Variants in DNAH5 observed in about 807,000 individuals in gnomAD.
The protein encoded by DNAH5 is axonemal beta dynein heavy chain 5.
A neutral mutation model predicts 518.2 loss-of-function variants in DNAH5; 372 were observed. The observed-to-expected ratio is 0.72, with a 90% CI of 0.66 to 0.78. DNAH5 has a LOEUF of 0.78. Among genes scored for constraint, DNAH5 ranks in the 30% least tolerant of loss-of-function variants. DNAH5 has a pLI of 0.00. For missense variants in DNAH5, 5,523 were observed against 5,687.0 expected, an observed-to-expected ratio of 0.97 and a Z score of 0.93; for synonymous variants, 2,039 against 2,025.9, an observed-to-expected ratio of 1.01 and a Z score of -0.17.
rs1416805485 is a variant in DNAH5 at position 13,714,522 on chromosome 5, G to A, written c.13008C>T (p.Ile4336=). 1 of 1,614,040 alleles carries A rather than the reference G, an allele frequency of 6.2e-7. No homozygotes were observed. The highest frequency in any genetic ancestry group is 8.5e-7 in the Non-Finnish European group (1 of 1,180,024). The change falls in exon 75 of 79, where the codon ATC becomes ATT. Residue 4336 remains isoleucine (I), a synonymous_variant. Coordinates refer to ENST00000265104, the MANE Select transcript of DNAH5 (RefSeq NM_001369.3). The part of the protein sequence containing the change: ...SKLAKDVLDT[I]LGIQPKDTSG... ...AGGTGTCCTTGGGTTGGATGCCTAG[G>A]ATGGTGTCCAGCACGTCCTTGGCCA...
rs543363871 is a variant in DNAH5 at position 13,867,761 on chromosome 5, G to A, written c.4053+13C>T. 1.4e-4 allele frequency: 230 copies of A among 1,603,698 alleles called. No homozygotes were observed. The highest frequency in any genetic ancestry group is 1.9e-4 in the Non-Finnish European group (217 of 1,171,006). On this transcript the variant is annotated intron_variant, in intron 25 of 78. Transcript: ENST00000265104. ...ATCCCCGAAAACGCACACAGAGAAA[G>A]CCAGAGACATACCAAATCATAGTCC...
At chr5:13,882,837 T>G in intron 20 of DNAH5, 22 bp from the exon 21 acceptor site, 1 of 1,613,990 alleles carries the variant, frequency 6.2e-7, no homozygotes, top group Non-Finnish European at 8.5e-7. Flanking sequence ...AAGGATATTT[T>G]TCAGTTCTGT....
intron 1 of DNAH5, among the ~76,000 whole-genome samples, chr5:13,957,164 CT>C (rs1238398828): frequency 6.6e-6 from 1 of 152,180 alleles, no homozygotes; most frequent in Non-Finnish European, 1.5e-5. Flanking sequence ...ATGTTGAATT[CT>C]TTTCTCCCTT....
chr5:13,801,954 A>T (rs795541), intron 47 of DNAH5, among the ~76,000 whole-genome samples: 6 of 152,002 alleles, frequency 3.9e-5, no homozygotes, highest in South Asian at 4.2e-4. Context: ...GCCATTTCTA[A>T]GCCAAAAAAA....
At chr5:13,845,565 G>A (rs1032004548) in intron 31 of DNAH5, among the ~76,000 whole-genome samples, 1 of 152,030 alleles carries the variant, frequency 6.6e-6, no homozygotes, top group Non-Finnish European at 1.5e-5. Context: ...TCCACTGAAT[G>A]TTCCCGATCA....
intron 60 of DNAH5, 58 bp downstream of exon 60, chr5:13,762,664 G>C (rs1383899249): frequency 1.3e-6 from 2 of 1,490,318 alleles, no homozygotes; most frequent in South Asian, 2.3e-5. Context: ...AAGATAAGAC[G>C]GGTCGACCTG....
At chr5:13,973,405 T>C (rs945938257) in intron 1 of DNAH5, among the ~76,000 whole-genome samples, 2 of 152,240 alleles carry the variant, frequency 1.3e-5, no homozygotes, top group South Asian at 2.1e-4. Flanking sequence ...ATGAAATTAA[T>C]ACAACCACTA....
intron 35 of DNAH5, among the ~76,000 whole-genome samples, chr5:13,836,369 G>A (rs1324363922): frequency 6.6e-6 from 1 of 152,196 alleles, no homozygotes; most frequent in African/African-American, 2.4e-5. Context: ...ATGAGTAGAG[G>A]TGGAGAAGAG....
intron 58 of DNAH5, among the ~76,000 whole-genome samples, chr5:13,767,651 A>G (rs1752695950): frequency 6.6e-6 from 1 of 152,232 alleles, no homozygotes; most frequent in Non-Finnish European, 1.5e-5. Context: ...TAGCTTTAAA[A>G]ATAATTTTCA....
intron 75 of DNAH5, 104 bp from the exon 76 acceptor site, chr5:13,708,439 A>C: frequency 1.0e-6 from 1 of 987,588 alleles, no homozygotes; most frequent in Non-Finnish European, 1.6e-6. Context: ...TTACTATTCC[A>C]TAAATAATAA....
chr5:13,776,301 G>A (rs781470902), intron 55 of DNAH5, 138 bp downstream of exon 55: 4 of 1,175,166 alleles, frequency 3.4e-6, no homozygotes, highest in Non-Finnish European at 3.8e-6. Context: ...CTGTCCATGA[G>A]ATTAAACCTC....
intron 65 of DNAH5, among the ~76,000 whole-genome samples, chr5:13,747,280 G>C (rs1265302903): frequency 6.6e-6 from 1 of 152,106 alleles, no homozygotes; most frequent in Non-Finnish European, 1.5e-5. Context: ...TCTTAATCCA[G>C]TCTATCATTG....
intron 59 of DNAH5, among the ~76,000 whole-genome samples, chr5:13,765,318 A>T (rs1177961334): frequency 1.3e-5 from 2 of 152,240 alleles, no homozygotes; most frequent in African/African-American, 2.4e-5. Context: ...AAAAAGAAAG[A>T]CTGTCATTTG....
chr5:13,774,688 A>G (rs1446222542), intron 55 of DNAH5, among the ~76,000 whole-genome samples: 4 of 152,180 alleles, frequency 2.6e-5, no homozygotes, highest in South Asian at 2.1e-4. Flanking sequence ...CTAGCAACTG[A>G]GGATAAAGAA....
At chr5:13,872,414 A>G (rs1770256992) in intron 22 of DNAH5, among the ~76,000 whole-genome samples, 1 of 152,200 alleles carries the variant, frequency 6.6e-6, no homozygotes, top group South Asian at 2.1e-4. Flanking sequence ...GCATGTTTCC[A>G]TATCTTGTCA....
rs146040448 is a variant in DNAH5, at chr5:13,691,209, C to T, written c.*775G>A. The T allele has an allele frequency of 6.7e-3, 1,018 of 152,206 alleles. 13 individuals carry two copies. Among genetic ancestry groups the T allele is most frequent in the African/African-American group, 0.023 (949 of 41,536 alleles). 9.4% of individuals were successfully genotyped at this position (152,206 alleles called of 1,614,324 possible). A position where few individuals can be genotyped will look rare whatever the true frequency, so the allele number is the denominator to read the frequency against. ...AATTGTTTCCTTGATGTAGAGAAAACAAAGATCCAAGGGTGTGAATATTTT... is the reference window on the plus strand; with the variant it reads ...AATTGTTTCCTTGATGTAGAGAAAATAAAGATCCAAGGGTGTGAATATTTT... On this transcript the variant is annotated 3_prime_UTR_variant, in exon 79 of 79. Coordinates refer to ENST00000265104, the MANE Select transcript of DNAH5 (RefSeq NM_001369.3).
intron 65 of DNAH5, among the ~76,000 whole-genome samples, chr5:13,741,846 C>T (rs1311306697): frequency 6.6e-6 from 1 of 152,086 alleles, no homozygotes; most frequent in Admixed American, 6.6e-5. Flanking sequence ...AGCCACTTGA[C>T]ATTTGCCATG....
At chr5:13,810,291 C>A in intron 44 of DNAH5, 31 bp from the exon 45 acceptor site, 1 of 1,541,976 alleles carries the variant, frequency 6.5e-7, no homozygotes, top group Non-Finnish European at 8.8e-7. Flanking sequence ...TTTTTAATAA[C>A]TTGATTCTGA....
chr5:13,920,945 A>G (rs1168792847), intron 5 of DNAH5, among the ~76,000 whole-genome samples: 1 of 151,538 alleles, frequency 6.6e-6, no homozygotes, highest in Non-Finnish European at 1.5e-5. Context: ...ACCCATATGA[A>G]AAAAACACTG....
Sources: gnomAD v4.1 joint callset for allele counts (sites outside exome capture counted in the v4.1 genomes callset) on GRCh38, gnomAD v4.1.1 for gene constraint, MANE v1.5 for transcripts, NCBI Gene and HGNC (gene_info 2026-07-23, HGNC 2026-07-21) for gene names.